HELZ: variants seen among roughly 807,000 people sequenced by gnomAD.
The protein encoded by HELZ is ATP-dependent RNA helicase with zinc finger domain.
HELZ carries 23 observed loss-of-function variants against 218.2 expected under a neutral mutation model. The observed-to-expected ratio is 0.11, with a 90% CI of 0.08 to 0.15. The LOEUF (loss-of-function observed/expected upper bound fraction) is 0.15, where lower values mean the gene tolerates loss of function less well. Ranked by LOEUF, HELZ falls within the 10% of genes least tolerant of loss-of-function variation. HELZ has a pLI of 1.00. For synonymous variants in HELZ, 814 were observed against 829.4 expected (o/e 0.98, Z 0.32); for missense variants, 1,813 against 2,353.7 (o/e 0.77, Z 4.75).
chr17:67,138,562 G>A (rs879813482), intron 21 of HELZ, among the ~76,000 whole-genome samples: 5 of 152,176 alleles, frequency 3.3e-5, no homozygotes, highest in Non-Finnish European at 5.9e-5. Flanking sequence ...CTAAGTCCCA[G>A]CAGTACAAGG....
At chr17:67,104,446 A>C (rs1254323315) in intron 31 of HELZ, among the ~76,000 whole-genome samples, 2 of 151,836 alleles carry the variant, frequency 1.3e-5, no homozygotes, top group Non-Finnish European at 2.9e-5. Context: ...TTCAAAAAAA[A>C]AAACAAACAA....
intron 27 of HELZ, chr17:67,119,993 CTTTTTTTTTTTTTT>C (rs56893875): frequency 1.3e-4 from 21 of 161,980 alleles, no homozygotes; most frequent in African/African-American, 2.0e-4. Flanking sequence ...TCTCCCTTTT[CTTTTTTTTTTTTTT>C]TTTTTTTTTT....
chr17:67,160,378 G>A lies in HELZ; in HGVS notation c.2076-16C>T, dbSNP rs747873273. 7.1e-6 allele frequency: 11 copies of A among 1,539,728 alleles called. No homozygotes were observed. The highest frequency in any genetic ancestry group is 9.9e-6 in the Non-Finnish European group (11 of 1,115,292). On this transcript the variant is annotated splice_polypyrimidine_tract_variant and intron_variant, in intron 16 of 32. Coordinates refer to ENST00000358691, the MANE Select transcript of HELZ (RefSeq NM_014877.4). ...AATGAGAATCCTGCTGAAATAAATG[G>A]TGCAAATAAAAAGAATGATAAAACA...
At position 67,113,647 on chromosome 17, in the gene HELZ, G is replaced by A. The variant is rs539216000; in HGVS notation, c.3918+677C>T. Among the ~76,000 whole-genome samples, 11 of 152,260 alleles carry A rather than the reference G, an allele frequency of 7.2e-5. No homozygotes were observed. The South Asian group carries it at 1.9e-3, about 26-fold the overall frequency. On this transcript the variant is annotated intron_variant, in intron 28 of 32. Transcript: ENST00000358691. ...CTATGGTAAAAGTGCTAAATTTAAGGTTACAAATTAACAAGAGCAAATCCT... is the reference window on the plus strand; with the variant it reads ...CTATGGTAAAAGTGCTAAATTTAAGATTACAAATTAACAAGAGCAAATCCT...
Position 67,224,843 on chromosome 17 carries a change from G to A in HELZ, c.-18-6021C>T. On this transcript the variant is annotated intron_variant, in intron 3 of 32. Transcript: ENST00000358691. ...TCTCTGTATGCCCAGGGAAAGCAGCGTTATGACATGAAACAGAGTGGCTAT... is the reference window on the plus strand; with the variant it reads ...TCTCTGTATGCCCAGGGAAAGCAGCATTATGACATGAAACAGAGTGGCTAT... 3 of 981,912 alleles carry A rather than the reference G, an allele frequency of 3.1e-6. No individual in the cohort carries two copies. In the South Asian group the frequency reaches 3.8e-5, roughly 12 times the overall value. 60.8% of individuals were successfully genotyped at this position (981,912 alleles called of 1,614,324 possible). A position where few individuals can be genotyped will look rare whatever the true frequency, so the allele number is the denominator to read the frequency against.
chr17:67,195,384 C>G (rs754099664), intron 8 of HELZ, 35 bp downstream of exon 8: 8 of 1,359,102 alleles, frequency 5.9e-6, no homozygotes, highest in African/African-American at 1.4e-5. Context: ...CCCTTATTCA[C>G]AGCTACCAGA....
At chr17:67,244,197 C>A (rs2041403792) in intron 1 of HELZ, among the ~76,000 whole-genome samples, 1 of 152,176 alleles carries the variant, frequency 6.6e-6, no homozygotes, top group African/African-American at 2.4e-5. Context: ...AGACAGACAA[C>A]TCCTCCCTCC....
chr17:67,189,577 CA>C lies in HELZ; in HGVS notation c.864+11del. 1 of 1,567,178 alleles carries C rather than the reference CA, an allele frequency of 6.4e-7. No homozygotes were observed. Among genetic ancestry groups the C allele is most frequent in the Non-Finnish European group, 8.8e-7 (1 of 1,139,440 alleles). On this transcript the variant is annotated intron_variant, in intron 11 of 32. Coordinates refer to ENST00000358691, the MANE Select transcript of HELZ (RefSeq NM_014877.4). The stretch of plus-strand genomic sequence containing the variant: ...CACAACTTTTATGCTTTAACTAGCA[CA>C]AAATTCATACCTTACAAGTGAGAGC...
rs540975928 is a variant in HELZ, at chr17:67,240,624, A to G, written c.-75-1135T>C. On this transcript the variant is annotated intron_variant, in intron 2 of 32. Coordinates refer to ENST00000358691, the MANE Select transcript of HELZ (RefSeq NM_014877.4). ...GATGTGACAAGAACACCTAAAATATAGCACAGAAATGACAAAAATCACAAA... is the reference window on the plus strand; with the variant it reads ...GATGTGACAAGAACACCTAAAATATGGCACAGAAATGACAAAAATCACAAA... Among the ~76,000 whole-genome samples the G allele has an allele frequency of 2.0e-5, 3 of 152,368 alleles. No individual in the cohort carries two copies. In the South Asian group the frequency reaches 6.2e-4, roughly 32 times the overall value.
intron 12 of HELZ, among the ~76,000 whole-genome samples, chr17:67,179,152 C>A (rs2039538914): frequency 6.6e-6 from 1 of 151,088 alleles, no homozygotes; most frequent in African/African-American, 2.4e-5. Context: ...AAAAAAAAAA[C>A]TTTTTATCAG....
At chr17:67,149,482 A>G (rs1240314824) in intron 19 of HELZ, among the ~76,000 whole-genome samples, 2 of 151,730 alleles carry the variant, frequency 1.3e-5, no homozygotes, top group Non-Finnish European at 2.9e-5. Context: ...CTATTACACC[A>G]AAAAAAATTA....
At chr17:67,149,014 G>C (rs149225230) in intron 19 of HELZ, among the ~76,000 whole-genome samples, 3 of 152,134 alleles carry the variant, frequency 2.0e-5, no homozygotes, top group Admixed American at 2.0e-4. Flanking sequence ...TTCCAGGCAT[G>C]CAACCCACTG....
chr17:67,209,029 GAGGAA>G (rs2040381977), intron 5 of HELZ, among the ~76,000 whole-genome samples: 1 of 125,596 alleles, frequency 8.0e-6, no homozygotes, highest in African/African-American at 3.0e-5. Context: ...GGAAGGAAGG[GAGGAA>G]GGGAGGGAGG....
At chr17:67,124,212 A>T (rs980131001) in intron 24 of HELZ, among the ~76,000 whole-genome samples, 198 bp from the exon 25 acceptor site, 1 of 152,186 alleles carries the variant, frequency 6.6e-6, no homozygotes, top group African/African-American at 2.4e-5. Flanking sequence ...ATCTCAAATA[A>T]TATTGCTGGG....
intron 7 of HELZ, chr17:67,200,750 A>G (rs1001153412): frequency 5.5e-6 from 1 of 182,270 alleles, no homozygotes; most frequent in African/African-American, 2.3e-5. Flanking sequence ...ATAAACAAAT[A>G]ATAAATAAAT....
chr17:67,202,914 A>G (rs1225603306), intron 6 of HELZ, among the ~76,000 whole-genome samples: 3 of 152,170 alleles, frequency 2.0e-5, no homozygotes, highest in Non-Finnish European at 4.4e-5. Context: ...TTTTGAGCCC[A>G]GGAGTTCAAG....
In HELZ at chr17:67,074,275, C is replaced by T. The variant is rs1199104729; in HGVS notation, c.*3977G>A. On this transcript the variant is annotated 3_prime_UTR_variant, in exon 33 of 33. Transcript: ENST00000358691. ...GGAAAAAAAAAAACACAATGGCTAG[C>T]TTACATGACATTTGAAAGCACCAAT... 2.0e-5 allele frequency: 3 copies of T among 150,976 alleles called. No homozygotes were observed. Among genetic ancestry groups the T allele is most frequent in the Non-Finnish European group, 1.5e-5 (1 of 67,850 alleles). 9.4% of individuals were successfully genotyped at this position (150,976 alleles called of 1,614,324 possible). A position where few individuals can be genotyped will look rare whatever the true frequency, so the allele number is the denominator to read the frequency against.
chr17:67,123,814 A>ATTGTGT (rs2037694205), intron 25 of HELZ, 149 bp downstream of exon 25: 3 of 333,734 alleles, frequency 9.0e-6, no homozygotes, highest in Admixed American at 1.4e-4. Context: ...TTCCAAAGTG[A>ATTGTGT]CTGTGTGTGT....
chr17:67,167,208 T>C (rs2039170642), intron 14 of HELZ, among the ~76,000 whole-genome samples: 2 of 152,254 alleles, frequency 1.3e-5, no homozygotes, highest in South Asian at 4.1e-4. Flanking sequence ...TCATCTTTTC[T>C]TCCATTGCTG....
Sources: allele counts gnomAD v4.1 joint callset (sites outside exome capture counted in the v4.1 genomes callset), GRCh38; gene constraint gnomAD v4.1.1; transcripts MANE v1.5; gene names NCBI Gene and HGNC (gene_info 2026-07-23, HGNC 2026-07-21).